The following COL12A1 variants were observed in gnomAD, a reference collection of about 807,000 sequenced individuals.
COL12A1 encodes the protein collagen type XII alpha 1 chain, also known as collagen alpha-1(XII) chain.
COL12A1 carries 114 observed loss-of-function variants against 349.7 expected under a neutral mutation model. That is an observed-to-expected ratio of 0.33 (90% CI 0.28 to 0.38). The LOEUF is 0.38. Among genes scored for constraint, COL12A1 ranks in the 10% least tolerant of loss-of-function variants. The probability of loss-of-function intolerance (pLI) is 1.00; values close to 1 mark genes in which losing one functional copy is unlikely to be tolerated. For synonymous variants in COL12A1, 1,369 were observed against 1,329.0 expected (o/e 1.03, Z -0.66); for missense variants, 3,284 against 3,756.9 (o/e 0.87, Z 3.29).
intron 51 of COL12A1, among the ~76,000 whole-genome samples, chr6:75,111,264 AAAG>A (rs1228640589): frequency 6.6e-6 from 1 of 151,956 alleles, no homozygotes; most frequent in Non-Finnish European, 1.5e-5. Context: ...AATAAAAAAC[AAAG>A]AAGAAGGTAG....
intron 49 of COL12A1, 75 bp downstream of exon 49, chr6:75,115,709 C>G: frequency 6.6e-7 from 1 of 1,516,426 alleles, no homozygotes; most frequent in South Asian, 1.3e-5. Flanking sequence ...TCCCAGGATT[C>G]TGGGAAGTCA....
Position 75,194,905 on chromosome 6 carries a change from T to C in COL12A1, c.116A>G (p.Asn39Ser). Residue 39 changes from asparagine (N) to serine (S), a missense_variant, in exon 3 of 66, where the codon AAT becomes AGT. By Grantham distance (46) the Asn-to-Ser change is conservative (BLOSUM62 1). This residue lies in a region of COL12A1 where 2,601 missense variants were observed against 2,824.8 expected (regional missense o/e 0.92). Coordinates refer to ENST00000322507, the MANE Select transcript of COL12A1 (RefSeq NM_004370.6). ...SDLNFKIIDE[N>S]TVHMSWAKPV... is the part of the protein sequence containing the mutation. ...TTTTGCCCATGACATATGAACAGTA[T>C]TTTCATCTATAATTTTAAAATTCAA... is the stretch of plus-strand genomic sequence containing the variant. 6.2e-7 allele frequency: 1 copy of C among 1,609,890 alleles called. No homozygotes were observed. The highest frequency in any genetic ancestry group is 8.5e-7 in the Non-Finnish European group (1 of 1,177,978).
Position 75,113,697 on chromosome 6 carries a change from A to ATAGACT in COL12A1, c.7744_7745insAGTCTA (p.Leu2582delinsTer), listed in dbSNP as rs1247852549. The ATAGACT allele has an allele frequency of 6.2e-7, 1 of 1,607,040 alleles. No homozygotes were observed. The highest frequency in any genetic ancestry group is 8.5e-7 in the Non-Finnish European group (1 of 1,175,288). On this transcript the variant is annotated stop_gained, in exon 50 of 66. Coordinates refer to ENST00000322507, the MANE Select transcript of COL12A1 (RefSeq NM_004370.6). LOFTEE classifies it high-confidence loss of function. The stretch of plus-strand genomic sequence containing the variant: ...GGGAGTTTCTGGGAGAAGTCTGAAT[A>ATAGACT]ATAATATAATCGTGTATGAAGGAGG...
intron 2 of COL12A1, among the ~76,000 whole-genome samples, chr6:75,200,037 G>C (rs1360138944): frequency 1.3e-5 from 2 of 152,202 alleles, no homozygotes; most frequent in Non-Finnish European, 2.9e-5. Flanking sequence ...AAACGTAACT[G>C]TGGCTACTTT....
chr6:75,108,863 T>C (rs1282983310), intron 52 of COL12A1, among the ~76,000 whole-genome samples, 155 bp downstream of exon 52: 3 of 152,186 alleles, frequency 2.0e-5, no homozygotes, highest in Admixed American at 6.5e-5. Context: ...ATTTTCTCAA[T>C]GTACTTCTTC....
Position 75,119,099 on chromosome 6 carries a change from G to A in COL12A1, c.7298C>T (p.Thr2433Met), listed in dbSNP as rs1769226903. The A allele has an allele frequency of 6.2e-7, 1 of 1,613,920 alleles. No individual in the cohort carries two copies. The highest frequency in any genetic ancestry group is 1.7e-5 in the Admixed American group (1 of 59,996). ...GACCTCATCCTGGGACCGACCGTCC[G>A]TGACCACAACCAACACCTTAGGGAC... ...KNVPKVLVVV[T>M]DGRSQDEVKK... Residue 2433 changes from threonine (T) to methionine (M), a missense_variant, in exon 46 of 66, where the codon ACG becomes ATG. This residue lies in a region of COL12A1 where 683 missense variants were observed against 932.1 expected (regional missense o/e 0.73). Coordinates refer to ENST00000322507, the MANE Select transcript of COL12A1 (RefSeq NM_004370.6).
At chr6:75,166,629 C>T (rs1768325569) in intron 13 of COL12A1, among the ~76,000 whole-genome samples, 2 of 152,142 alleles carry the variant, frequency 1.3e-5, no homozygotes, top group South Asian at 4.1e-4. Context: ...TCTACCTTTA[C>T]TAGGGTTTAT....
At chr6:75,171,559 A>G (rs1432092233) in intron 13 of COL12A1, among the ~76,000 whole-genome samples, 1 of 152,250 alleles carries the variant, frequency 6.6e-6, no homozygotes, top group Non-Finnish European at 1.5e-5. Context: ...TGTCCAACCT[A>G]CAGAATGCTC....
At position 75,119,173 on chromosome 6, in the gene COL12A1, C is replaced by T. The variant is rs368333381; in HGVS notation, c.7224G>A (p.Thr2408=). The change falls in exon 46 of 66, where the codon ACG becomes ACA. Residue 2408 remains threonine, a synonymous_variant. Transcript: ENST00000322507. ...GGNTRTGKAL[T]FIKEKVLTWE... is the part of the protein sequence containing the mutation. ...AAGTCAAGACTTTCTCCTTGATAAA[C>T]GTGAGGGCCTTGCCTACAGAATGTG... 25 of 1,613,816 alleles carry T rather than the reference C, an allele frequency of 1.5e-5. No individual in the cohort carries two copies. The highest frequency in any genetic ancestry group is 6.6e-5 in the South Asian group (6 of 91,088).
rs551253011 is a variant in COL12A1, at chr6:75,199,446, T to C, written c.73+3274A>G. ...GCTATAGCCACAACTCACCGATGAA[T>C]TGATAATATTCAATTGTTCATTATA... is the stretch of plus-strand genomic sequence containing the variant. On this transcript the variant is annotated intron_variant, in intron 2 of 65. Transcript: ENST00000322507. Among the ~76,000 whole-genome samples, 613 of 152,232 alleles carry C rather than the reference T, an allele frequency of 4.0e-3. 5 individuals carry two copies. The highest frequency in any genetic ancestry group is 0.01 in the Middle Eastern group (3 of 294).
At chr6:75,167,817 A>C (rs919105407) in intron 13 of COL12A1, among the ~76,000 whole-genome samples, 2 of 152,232 alleles carry the variant, frequency 1.3e-5, no homozygotes, top group South Asian at 4.1e-4. Flanking sequence ...GCTAGAACAA[A>C]ATACTAGTAA....
chr6:75,194,624 A>G (rs1330790441), intron 3 of COL12A1, among the ~76,000 whole-genome samples: 1 of 152,164 alleles, frequency 6.6e-6, no homozygotes, highest in Non-Finnish European at 1.5e-5. Context: ...CCACAGCAAA[A>G]CATGTTAAAC....
rs1767121915 is a variant in COL12A1 at position 75,145,342 on chromosome 6, A to T, written c.4674T>A (p.Thr1558=). 1.9e-6 allele frequency: 3 copies of T among 1,610,234 alleles called. No individual in the cohort carries two copies. The highest frequency in any genetic ancestry group is 4.5e-5 in the East Asian group (2 of 44,760). The stretch of plus-strand genomic sequence containing the variant: ...GTAGCTTACAGGTGACTTCCCGAAC[A>T]GTGACAGGTTCACTAGTGAGGTCGT... The part of the protein sequence containing the change: ...VLHDLTSEPV[T]VREVTLPLPR... Residue 1558 remains threonine (T), a synonymous_variant, in exon 25 of 66, where the codon ACT becomes ACA. Transcript: ENST00000322507.
chr6:75,087,889 A>G, intron 64 of COL12A1, 142 bp from the exon 65 acceptor site: 2 of 870,606 alleles, frequency 2.3e-6, no homozygotes, highest in Non-Finnish European at 3.5e-6. Context: ...TTCCTTAAGA[A>G]ATACCCAATA....
chr6:75,160,402 CT>C (rs1279187186), intron 14 of COL12A1, among the ~76,000 whole-genome samples: 3 of 152,162 alleles, frequency 2.0e-5, no homozygotes, highest in African/African-American at 7.2e-5. Flanking sequence ...CCAAAATGCC[CT>C]CTTGGAAGCA....
chr6:75,126,126 T>C (rs1293631824), intron 39 of COL12A1, among the ~76,000 whole-genome samples: 3 of 152,138 alleles, frequency 2.0e-5, no homozygotes, highest in Non-Finnish European at 4.4e-5. Flanking sequence ...GTCAAACTTT[T>C]TAATCATGAC....
intron 17 of COL12A1, among the ~76,000 whole-genome samples, chr6:75,153,034 C>T (rs1048282557): frequency 6.6e-6 from 1 of 151,996 alleles, no homozygotes; most frequent in Non-Finnish European, 1.5e-5. Flanking sequence ...TAGGTAACTA[C>T]CACATATATA....
chr6:75,175,183 T>G lies in COL12A1; in HGVS notation c.2565A>C (p.Glu855Asp). Residue 855 changes from glutamate (E) to aspartate (D), a missense_variant, in exon 13 of 66, where the codon GAA becomes GAC. Glu to Asp is a conservative substitution (Grantham distance 45, BLOSUM62 2). This residue lies in a region of COL12A1 where 2,601 missense variants were observed against 2,824.8 expected (regional missense o/e 0.92). Coordinates refer to ENST00000322507, the MANE Select transcript of COL12A1 (RefSeq NM_004370.6). ...LVTYTPVAGG[E>D]TQEVTVRGDT... The stretch of plus-strand genomic sequence containing the variant: ...CTCCCCTCACAGTGACCTCTTGAGT[T>G]TCACCCCCTGCCACTGGGGTATATG... 1.2e-6 allele frequency: 2 copies of G among 1,614,164 alleles called. No individual in the cohort carries two copies. Among genetic ancestry groups the G allele is most frequent in the Non-Finnish European group, 1.7e-6 (2 of 1,180,026 alleles).
chr6:75,124,120 C>T (rs1376249120), intron 41 of COL12A1, 26 bp from the exon 42 acceptor site: 4 of 1,604,738 alleles, frequency 2.5e-6, no homozygotes, highest in South Asian at 1.1e-5. Flanking sequence ...AAGGAAAATG[C>T]CAGTGTCATC....
Sources: allele counts gnomAD v4.1 joint callset (sites outside exome capture counted in the v4.1 genomes callset), GRCh38; gene constraint gnomAD v4.1.1; regional missense constraint gnomAD v4.1.1; transcripts MANE v1.5; gene names NCBI Gene and HGNC (gene_info 2026-07-23, HGNC 2026-07-21).